Variants in NAB2 observed in about 807,000 individuals in gnomAD.
The protein encoded by NAB2 is NGFI-A-binding protein 2.
In NAB2, 9 loss-of-function variants were observed where a neutral mutation model predicts 44.2. That is an observed-to-expected ratio of 0.20 (90% confidence interval 0.12 to 0.36). The LOEUF (loss-of-function observed/expected upper bound fraction) is 0.36. Among genes scored for constraint, NAB2 ranks in the 10% least tolerant of loss-of-function variants. The pLI is 1.00. For missense variants in NAB2, 514 were observed against 709.0 expected (o/e 0.73, Z 3.12); for synonymous variants, 342 against 291.0 (o/e 1.18, Z -1.78).
Position 57,094,951 on chromosome 12 carries a change from G to A in NAB2, c.*230G>A, listed in dbSNP as rs2033312919. 1.6e-5 allele frequency: 9 copies of A among 549,798 alleles called. No individual in the cohort carries two copies. The Admixed American group carries it at 1.7e-4, about 10-fold the overall frequency. 34.1% of individuals were successfully genotyped at this position (549,798 alleles called of 1,614,324 possible). On this transcript the variant is annotated 3_prime_UTR_variant, in exon 7 of 7. Transcript: ENST00000300131. ...TGGTGCCCTCACCCCTGCCCAGAGC[G>A]AGGGGGCAAGGACTCTGCCTCCAGG...
rs1390375918 is a variant in NAB2, at chr12:57,094,653, C to T, written c.1510C>T (p.Pro504Ser). 3 of 1,555,462 alleles carry T rather than the reference C, an allele frequency of 1.9e-6. No homozygotes were observed. Among genetic ancestry groups the T allele is most frequent in the Non-Finnish European group, 2.6e-6 (3 of 1,149,210 alleles). Reference protein sequence around the residue: ...GLLDRCPAPGPHPALVEGRRS... With the variant: ...GLLDRCPAPGSHPALVEGRRS... ...GCTGGACAGATGTCCTGCCCCAGGACCCCATCCCGCGCTGGTGGAGGGTCG... is the reference window on the plus strand; with the variant it reads ...GCTGGACAGATGTCCTGCCCCAGGATCCCATCCCGCGCTGGTGGAGGGTCG... The change falls in exon 7 of 7, where the codon CCC (proline) becomes TCC (serine). Residue 504 changes from proline to serine, a missense_variant. Transcript: ENST00000300131.
intron 3 of NAB2, 107 bp downstream of exon 3, chr12:57,092,688 G>A (rs1390566342): frequency 6.9e-7 from 1 of 1,450,728 alleles, no homozygotes; most frequent in East Asian, 2.4e-5. Flanking sequence ...CCGCCCACCT[G>A]GATGTCCTGC....
rs1244263801 is a variant in NAB2 at position 57,091,710 on chromosome 12, G to A, written c.669G>A (p.Gly223=). Reference sequence around the variant, plus strand: ...GAGTCCCTGAGGGGACTGGGGCTGGGGGGCTGGCAGCAGGTGGGACTGGGG... The same window carrying A: ...GAGTCCCTGAGGGGACTGGGGCTGGAGGGCTGGCAGCAGGTGGGACTGGGG... ...GGGVPEGTGA[G]GLAAGGTGGG... is the part of the protein sequence containing the mutation. The change falls in exon 2 of 7, where the codon GGG becomes GGA. Residue 223 remains glycine, a synonymous_variant. Transcript: ENST00000300131. The surrounding 1 kb of genome is among the most constrained non-coding windows in gnomAD (Gnocchi z 7.3). The A allele has an allele frequency of 6.2e-7, 1 of 1,613,906 alleles. No homozygotes were observed. Among genetic ancestry groups the A allele is most frequent in the Non-Finnish European group, 8.5e-7 (1 of 1,179,840 alleles).
intron 1 of NAB2, among the ~76,000 whole-genome samples, chr12:57,089,607 TAA>T (rs2033131559): frequency 6.6e-6 from 1 of 151,754 alleles, no homozygotes; most frequent in South Asian, 2.1e-4. Flanking sequence ...CCATCTGGCC[TAA>T]GAGCCCCCTG....
At chr12:57,090,580 G>C (rs1345897147) in intron 1 of NAB2, among the ~76,000 whole-genome samples, 1 of 152,252 alleles carries the variant, frequency 6.6e-6, no homozygotes, top group African/African-American at 2.4e-5. Flanking sequence ...GAAAGCCAGG[G>C]AAGGTGCCAC....
Position 57,091,445 on chromosome 12 carries a change from G to T in NAB2, c.404G>T (p.Gly135Val). The change falls in exon 2 of 7, where the codon GGT becomes GTT. Residue 135 changes from glycine (G) to valine (V), a missense_variant. By Grantham distance (109) the Gly-to-Val change is moderately radical (BLOSUM62 -3). Transcript: ENST00000300131. This position sits in a 1 kb window ranked among gnomAD's most constrained non-coding sequence, Gnocchi z 7.3. ...IPLFKISETA[G>V]TRKGSMSNGH... ...CTCTTCAAGATCTCTGAGACTGCGGGTACCCGGAAAGGGAGCATGAGCAAT... is the reference window on the plus strand; with the variant it reads ...CTCTTCAAGATCTCTGAGACTGCGGTTACCCGGAAAGGGAGCATGAGCAAT... The T allele has an allele frequency of 6.2e-7, 1 of 1,614,222 alleles. No homozygotes were observed.
rs760585634 is a variant in NAB2 at position 57,093,125 on chromosome 12, C to T, written c.1206C>T (p.Pro402=). The T allele has an allele frequency of 5.6e-6, 9 of 1,613,736 alleles. No individual in the cohort carries two copies. The highest frequency in any genetic ancestry group is 7.6e-6 in the Non-Finnish European group (9 of 1,179,804). ...CCCCAGGCCCTGAGTCCTATGTACC[C>T]CCATACCGCCCCAGCCTGGAGGAGG... The part of the protein sequence containing the change: ...QPPPGPESYV[P]PYRPSLEEDS... The change falls in exon 5 of 7, where the codon CCC becomes CCT. Residue 402 remains proline (P), a synonymous_variant. Transcript: ENST00000300131.
rs1407904977 is a variant in NAB2 at position 57,093,439 on chromosome 12, C to T, written c.1309C>T (p.Pro437Ser). 6.3e-7 allele frequency: 1 copy of T among 1,595,386 alleles called. No individual in the cohort carries two copies. Among genetic ancestry groups the T allele is most frequent in the Admixed American group, 1.7e-5 (1 of 57,698 alleles). ...VGSCPRLTPP[P>S]ADLPLALPAH... ...GTCATGTCCAAGGCTGACGCCGCCC[C>T]CTGCTGACCTGCCTCTGGCATTGCC... Residue 437 changes from proline to serine, a missense_variant, in exon 6 of 7, where the codon CCT (proline) becomes TCT (serine). Coordinates refer to ENST00000300131, the MANE Select transcript of NAB2 (RefSeq NM_005967.4).
chr12:57,092,534 C>A lies in NAB2; in HGVS notation c.1044C>A (p.Arg348=), dbSNP rs2033213168. The change falls in exon 3 of 7, where the codon CGC becomes CGA. Residue 348 remains arginine, a synonymous_variant. Transcript: ENST00000300131. ...GAGTGGAGCTCTTCTCTTTGTCCCGCCAAGTAGCCCGAGAGAGCACCTACT... is the reference window on the plus strand; with the variant it reads ...GAGTGGAGCTCTTCTCTTTGTCCCGACAAGTAGCCCGAGAGAGCACCTACT... ...LRRVELFSLS[R]QVARESTYLS... 3.7e-6 allele frequency: 6 copies of A among 1,614,216 alleles called. No individual in the cohort carries two copies. Among genetic ancestry groups the A allele is most frequent in the Non-Finnish European group, 4.2e-6 (5 of 1,180,050 alleles).
intron 1 of NAB2, among the ~76,000 whole-genome samples, chr12:57,089,931 A>C (rs1487511320): frequency 1.3e-5 from 2 of 152,256 alleles, no homozygotes; most frequent in East Asian, 3.9e-4. Context: ...GCGGGTGGAA[A>C]ATATGGGAGA....
chr12:57,094,959 A>G lies in NAB2; in HGVS notation c.*238A>G. 1 of 535,600 alleles carries G rather than the reference A, an allele frequency of 1.9e-6. No individual in the cohort carries two copies. The highest frequency in any genetic ancestry group is 3.5e-5 in the Admixed American group (1 of 28,592). The allele number at this position is 535,600 out of a possible 1,614,324, so 33.2% of individuals were successfully genotyped here. ...TCACCCCTGCCCAGAGCGAGGGGGC[A>G]AGGACTCTGCCTCCAGGGCATCTGG... On this transcript the variant is annotated 3_prime_UTR_variant, in exon 7 of 7. Coordinates refer to ENST00000300131, the MANE Select transcript of NAB2 (RefSeq NM_005967.4).
chr12:57,093,171 G>A lies in NAB2; in HGVS notation c.1252G>A (p.Glu418Lys), dbSNP rs1241183131. ...GGAGGACAGCGCCAGCCTGTCTGGGGAGAGTCTGGATGGACATTTGCAGGG... is the reference window on the plus strand; with the variant it reads ...GGAGGACAGCGCCAGCCTGTCTGGGAAGAGTCTGGATGGACATTTGCAGGG... ...LEEDSASLSG[E>K]SLDGHLQAVG... The change falls in exon 5 of 7, where the codon GAG becomes AAG. Residue 418 changes from glutamate to lysine, a missense_variant. By Grantham distance (56) the Glu-to-Lys change is moderately conservative. Around this residue, in one of 5 missense-constraint regions of NAB2, gnomAD observed 194 missense variants for 223.9 expected, o/e 0.87. Coordinates refer to ENST00000300131, the MANE Select transcript of NAB2 (RefSeq NM_005967.4). 2 of 1,610,166 alleles carry A rather than the reference G, an allele frequency of 1.2e-6. No homozygotes were observed. Among genetic ancestry groups the A allele is most frequent in the Non-Finnish European group, 1.7e-6 (2 of 1,178,890 alleles).
In NAB2 at chr12:57,091,155, G is replaced by A. The variant is rs750173955; in HGVS notation, c.114G>A (p.Arg38=). ...KPSARAMALP[R]TLGELQLYRV... ...GTGCCCGAGCCATGGCACTGCCTCG[G>A]ACGCTGGGGGAGCTGCAGCTGTACC... The change falls in exon 2 of 7, where the codon CGG becomes CGA. Residue 38 remains arginine, a synonymous_variant. Transcript: ENST00000300131. The surrounding 1 kb of genome is among the most constrained non-coding windows in gnomAD (Gnocchi z 7.3). The A allele has an allele frequency of 3.9e-6, 6 of 1,529,116 alleles. No individual in the cohort carries two copies. In the Admixed American group the frequency reaches 8.2e-5, roughly 21 times the overall value. 94.7% of individuals were successfully genotyped at this position (1,529,116 alleles called of 1,614,324 possible). A position where few individuals can be genotyped will look rare whatever the true frequency, so the allele number is the denominator to read the frequency against.
Position 57,094,964 on chromosome 12 carries a change from C to T in NAB2, c.*243C>T, listed in dbSNP as rs1465917147. 2 of 529,752 alleles carry T rather than the reference C, an allele frequency of 3.8e-6. No homozygotes were observed. The allele number at this position is 529,752 out of a possible 1,614,324, so 32.8% of individuals were successfully genotyped here. A position where few individuals can be genotyped will look rare whatever the true frequency, so the allele number is the denominator to read the frequency against. The stretch of plus-strand genomic sequence containing the variant: ...CCTGCCCAGAGCGAGGGGGCAAGGA[C>T]TCTGCCTCCAGGGCATCTGGGGTTT... On this transcript the variant is annotated 3_prime_UTR_variant, in exon 7 of 7. Coordinates refer to ENST00000300131, the MANE Select transcript of NAB2 (RefSeq NM_005967.4).
At position 57,092,005 on chromosome 12, in the gene NAB2, A is replaced by G. The variant is rs1411249366; in HGVS notation, c.957+7A>G. The G allele has an allele frequency of 6.3e-7, 1 of 1,596,400 alleles. No individual in the cohort carries two copies. Among genetic ancestry groups the G allele is most frequent in the Non-Finnish European group, 8.6e-7 (1 of 1,169,462 alleles). ...GCAGCTCAGCCTGCACGAGGTGAGA[A>G]CCCCCAGGCCTCCTAGGATTGCCCT... is the stretch of plus-strand genomic sequence containing the variant. On this transcript the variant is annotated splice_region_variant and intron_variant, in intron 2 of 6. Coordinates refer to ENST00000300131, the MANE Select transcript of NAB2 (RefSeq NM_005967.4).
intron 6 of NAB2, among the ~76,000 whole-genome samples, 200 bp from the exon 7 acceptor site, chr12:57,094,412 C>T (rs116608496): frequency 1.3e-3 from 191 of 151,778 alleles, no homozygotes; most frequent in African/African-American, 4.6e-3. Context: ...GACAGAGCTA[C>T]GCACAGCCAG....
rs1321123648 is a variant in NAB2 at position 57,094,640 on chromosome 12, T to C, written c.1497T>C (p.Cys499=). Residue 499 remains cysteine, a synonymous_variant, in exon 7 of 7, where the codon TGT becomes TGC. Coordinates refer to ENST00000300131, the MANE Select transcript of NAB2 (RefSeq NM_005967.4). ...TCGAGGAAGGGCTGCTGGACAGATG[T>C]CCTGCCCCAGGACCCCATCCCGCGC... ...AEFEEGLLDR[C]PAPGPHPALV... 4.5e-6 allele frequency: 7 copies of C among 1,554,484 alleles called. No individual in the cohort carries two copies. Among genetic ancestry groups the C allele is most frequent in the Non-Finnish European group, 6.1e-6 (7 of 1,148,592 alleles).
chr12:57,093,461 T>C lies in NAB2; in HGVS notation c.1331T>C (p.Leu444Ser). ...TPPPADLPLA[L>S]PAHGLWSRHI... ...CCCCCTGCTGACCTGCCTCTGGCAT[T>C]GCCAGCCCATGGGCTATGGAGCCGA... The change falls in exon 6 of 7, where the codon TTG becomes TCG. Residue 444 changes from leucine (L) to serine (S), a missense_variant. Leu to Ser is a moderately radical substitution (Grantham distance 145). Coordinates refer to ENST00000300131, the MANE Select transcript of NAB2 (RefSeq NM_005967.4). 6.2e-7 allele frequency: 1 copy of C among 1,600,672 alleles called. No individual in the cohort carries two copies.
chr12:57,093,566 G>T lies in NAB2; in HGVS notation c.1436G>T (p.Ser479Ile). ...TCCCACGACCGCGTGGGCCGCCTCA[G>T]CCCCTGTGTGCCTGCGAAGCCACCT... is the stretch of plus-strand genomic sequence containing the variant. ...LVSHDRVGRL[S>I]PCVPAKPPLA... Residue 479 changes from serine (S) to isoleucine (I), a missense_variant, in exon 6 of 7, where the codon AGC becomes ATC. Transcript: ENST00000300131. 1 of 1,531,010 alleles carries T rather than the reference G, an allele frequency of 6.5e-7. No individual in the cohort carries two copies. 94.8% of individuals were successfully genotyped at this position (1,531,010 alleles called of 1,614,324 possible).
Sources: allele counts gnomAD v4.1 joint callset (sites outside exome capture counted in the v4.1 genomes callset), GRCh38; gene constraint gnomAD v4.1.1; regional missense constraint gnomAD v4.1.1; non-coding constraint Gnocchi (gnomAD v3.1); transcripts MANE v1.5; gene names NCBI Gene and HGNC (gene_info 2026-07-23, HGNC 2026-07-21).